The following VIM variants were observed in gnomAD, a reference collection of about 807,000 sequenced individuals.
VIM encodes the protein epididymis secretory sperm binding protein.
VIM carries 18 observed loss-of-function variants against 50.3 expected under a neutral mutation model. The ratio of observed to expected loss-of-function variants is 0.36; its 90% CI spans 0.25 to 0.53. VIM has a LOEUF of 0.53. VIM is among the 20% of genes least tolerant of loss of function. VIM has a pLI of 0.91. For missense variants in VIM, 551 were observed against 614.7 expected (o/e 0.90, Z 1.10); for synonymous variants, 245 against 248.5 (o/e 0.99, Z 0.13).
intron 5 of VIM, 68 bp from the exon 6 acceptor site, chr10:17,234,625 T>C: frequency 1.2e-6 from 2 of 1,603,774 alleles, no homozygotes; most frequent in Non-Finnish European, 1.7e-6. Context: ...GAAATATGAT[T>C]TTTTTTTTCT....
In VIM at chr10:17,235,478, C is replaced by G. The variant is rs74120324; in HGVS notation, c.1229+89C>G. 5,569 of 1,430,318 alleles carry G rather than the reference C, an allele frequency of 3.9e-3. 169 individuals are homozygous for G. The African/African-American group carries it at 0.064, about 16-fold the overall frequency. The allele number at this position is 1,430,318 out of a possible 1,614,324, so 88.6% of individuals were successfully genotyped here. A position where few individuals can be genotyped will look rare whatever the true frequency, so the allele number is the denominator to read the frequency against. ...GGCTCTAAGCAGTGTCACATTTAAT[C>G]TTTAGAAAGTTTCTTTGAGGTAACT... On this transcript the variant is annotated intron_variant, in intron 7 of 9. Coordinates refer to ENST00000544301, the MANE Select transcript of VIM (RefSeq NM_003380.5).
intron 3 of VIM, among the ~76,000 whole-genome samples, chr10:17,232,558 T>C (rs1435583810): frequency 6.6e-6 from 1 of 152,214 alleles, no homozygotes; most frequent in African/African-American, 2.4e-5. Flanking sequence ...CTTTACAGGA[T>C]GAGTCAAAGG....
intron 3 of VIM, among the ~76,000 whole-genome samples, chr10:17,231,257 A>G (rs1208329791): frequency 6.6e-6 from 1 of 152,236 alleles, no homozygotes; most frequent in Admixed American, 6.5e-5. Context: ...TCCAACTGGA[A>G]TGGAGCCAGC....
rs1846844225 is a variant in VIM, at chr10:17,234,028, T to A, written c.882+97T>A. ...ATTCCTAAATATCCTCTAGCTCCAA[T>A]GCAAAGCTGGCTTTGACTTCTTGCT... On this transcript the variant is annotated intron_variant, in intron 5 of 9. Coordinates refer to ENST00000544301, the MANE Select transcript of VIM (RefSeq NM_003380.5). 47 of 1,518,118 alleles carry A rather than the reference T, an allele frequency of 3.1e-5. No homozygotes were observed. The South Asian group carries it at 5.7e-4, about 18-fold the overall frequency. The allele number at this position is 1,518,118 out of a possible 1,614,324, so 94.0% of individuals were successfully genotyped here.
At chr10:17,236,130 G>A (rs1846885071) in intron 8 of VIM, 164 bp from the exon 9 acceptor site, 1 of 751,444 alleles carries the variant, frequency 1.3e-6, no homozygotes, top group African/African-American at 1.7e-5. Context: ...AAGAGTGTCA[G>A]GGCCTGGGTT....
intron 3 of VIM, among the ~76,000 whole-genome samples, chr10:17,231,448 T>C (rs1211003350): frequency 6.6e-6 from 1 of 152,160 alleles, no homozygotes; most frequent in African/African-American, 2.4e-5. Flanking sequence ...TTCTGGCAAA[T>C]GTGGTGGCTC....
Position 17,237,321 on chromosome 10 carries a change from G to C in VIM, c.*50G>C. 7.0e-6 allele frequency: 11 copies of C among 1,564,146 alleles called. No homozygotes were observed. Among genetic ancestry groups the C allele is most frequent in the Non-Finnish European group, 9.6e-6 (11 of 1,145,018 alleles). On this transcript the variant is annotated 3_prime_UTR_variant, in exon 10 of 10. Coordinates refer to ENST00000544301, the MANE Select transcript of VIM (RefSeq NM_003380.5). ...ATATATTACCAGCAAGAATAAAAAA[G>C]AAATCCATATCTTAAAGAAACAGCT...
At chr10:17,234,908 A>C (rs1846860934) in intron 6 of VIM, 90 bp downstream of exon 6, 1 of 1,561,902 alleles carries the variant, frequency 6.4e-7, no homozygotes, top group Admixed American at 1.8e-5. Context: ...ATGTTGAGTG[A>C]GTAAAAATGT....
chr10:17,230,573 T>C (rs780941555), intron 2 of VIM, 77 bp from the exon 3 acceptor site: 3 of 1,502,724 alleles, frequency 2.0e-6, no homozygotes, highest in Non-Finnish European at 1.9e-6. Flanking sequence ...GCAGAGCGAA[T>C]ACGTGGTGTT....
In VIM at chr10:17,229,306, C is replaced by T; in HGVS notation, c.-117C>T. On this transcript the variant is annotated 5_prime_UTR_variant, in exon 2 of 10. Coordinates refer to ENST00000544301, the MANE Select transcript of VIM (RefSeq NM_003380.5). ...TGCCACTCTCGCTCCGAGGTCCCCG[C>T]GCCAGAGACGCAGCCGCGCTCCCAC... 1.8e-6 allele frequency: 2 copies of T among 1,104,862 alleles called. No individual in the cohort carries two copies. The highest frequency in any genetic ancestry group is 2.6e-6 in the Non-Finnish European group (2 of 766,988). The allele number at this position is 1,104,862 out of a possible 1,614,324, so 68.4% of individuals were successfully genotyped here.
intron 3 of VIM, 125 bp downstream of exon 3, chr10:17,230,835 C>G (rs1277512755): frequency 9.4e-7 from 1 of 1,060,304 alleles, no homozygotes; most frequent in Non-Finnish European, 1.4e-6. Context: ...GTAAAGCCCT[C>G]TAGTGGCGGG....
At position 17,235,221 on chromosome 10, in the gene VIM, A is replaced by G. The variant is rs766141377; in HGVS notation, c.1061A>G (p.Glu354Gly). 6.2e-7 allele frequency: 1 copy of G among 1,614,120 alleles called. No homozygotes were observed. The highest frequency in any genetic ancestry group is 1.3e-5 in the African/African-American group (1 of 74,940). ...GAAATGGAAGAGAACTTTGCCGTTG[A>G]AGCTGCTAACTACCAAGACACTATT... ...MREMEENFAV[E>G]AANYQDTIGR... Residue 354 changes from glutamate (E) to glycine (G), a missense_variant, in exon 7 of 10, where the codon GAA becomes GGA. Glu to Gly is a moderately conservative substitution (Grantham distance 98). This residue lies in a region of VIM where 394 missense variants were observed against 437.5 expected (regional missense o/e 0.90). Coordinates refer to ENST00000544301, the MANE Select transcript of VIM (RefSeq NM_003380.5).
chr10:17,229,942 G>A lies in VIM; in HGVS notation c.520G>A (p.Glu174Lys). Residue 174 changes from glutamate (E) to lysine (K), a missense_variant, in exon 2 of 10, where the codon GAG becomes AAG. This residue lies in a region of VIM where 394 missense variants were observed against 437.5 expected (regional missense o/e 0.90). Transcript: ENST00000544301. ...CAACGACAAAGCCCGCGTCGAGGTG[G>A]AGCGCGACAACCTGGCCGAGGACAT... is the stretch of plus-strand genomic sequence containing the variant. ...LTNDKARVEV[E>K]RDNLAEDIMR... 6.2e-7 allele frequency: 1 copy of A among 1,612,906 alleles called. No individual in the cohort carries two copies. Among genetic ancestry groups the A allele is most frequent in the Middle Eastern group, 1.7e-4 (1 of 6,060 alleles).
At chr10:17,230,382 G>C in intron 2 of VIM, 4 of 579,246 alleles carry the variant, frequency 6.9e-6, no homozygotes, top group South Asian at 3.9e-5. Flanking sequence ...GCGGTGGAGG[G>C]AGCGAGACAA....
At chr10:17,233,008 C>G (rs986856460) in intron 3 of VIM, among the ~76,000 whole-genome samples, 1 of 152,192 alleles carries the variant, frequency 6.6e-6, no homozygotes, top group African/African-American at 2.4e-5. Context: ...AGTGCAGTGG[C>G]ACTATGTTGG....
chr10:17,234,051 G>T, intron 5 of VIM, 120 bp downstream of exon 5: 1 of 1,377,910 alleles, frequency 7.3e-7, no homozygotes, highest in African/African-American at 1.4e-5. Context: ...TTGACTTCTT[G>T]CTCATATTGT....
rs753683416 is a variant in VIM, at chr10:17,237,321, G to A, written c.*50G>A. ...ATATATTACCAGCAAGAATAAAAAA[G>A]AAATCCATATCTTAAAGAAACAGCT... is the stretch of plus-strand genomic sequence containing the variant. On this transcript the variant is annotated 3_prime_UTR_variant, in exon 10 of 10. Transcript: ENST00000544301. 1.0e-5 allele frequency: 16 copies of A among 1,564,030 alleles called. No homozygotes were observed. The East Asian group carries it at 3.6e-4, about 35-fold the overall frequency.
chr10:17,233,116 T>C, intron 3 of VIM: 1 of 211,772 alleles, frequency 4.7e-6, no homozygotes. Flanking sequence ...CCCAGCTAAT[T>C]TTTGTATTTT....
intron 3 of VIM, chr10:17,231,006 G>T: frequency 7.8e-6 from 3 of 385,228 alleles, no homozygotes; most frequent in South Asian, 7.4e-5. Flanking sequence ...GGGTTCAAGC[G>T]ATCCTTGAAT....
Sources: allele counts gnomAD v4.1 joint callset (sites outside exome capture counted in the v4.1 genomes callset), GRCh38; gene constraint gnomAD v4.1.1; regional missense constraint gnomAD v4.1.1; transcripts MANE v1.5; gene names NCBI Gene and HGNC (gene_info 2026-07-23, HGNC 2026-07-21).